Variants in FBXW8 observed in about 807,000 individuals in gnomAD.
FBXW8 encodes F-box and WD repeat domain containing 8.
FBXW8 carries 57 observed loss-of-function variants against 65.3 expected under a neutral mutation model. That is an observed-to-expected ratio of 0.87 (90% CI 0.71 to 1.09). The LOEUF is 1.09. Among genes scored for constraint, FBXW8 ranks in the 50% least tolerant of loss-of-function variants. The probability of loss-of-function intolerance (pLI) is 0.00; values close to 1 mark genes in which losing one functional copy is unlikely to be tolerated. For missense variants in FBXW8, 777 were observed against 814.8 expected (o/e 0.95, Z 0.57); for synonymous variants, 308 against 330.2 (o/e 0.93, Z 0.73).
At chr12:116,959,844 G>C (rs1883872092) in intron 4 of FBXW8, among the ~76,000 whole-genome samples, 1 of 152,200 alleles carries the variant, frequency 6.6e-6, no homozygotes, top group South Asian at 2.1e-4. Flanking sequence ...ACCTTGCCAA[G>C]TGTAGAAAAG....
At chr12:116,931,438 T>C (rs1230711180) in intron 2 of FBXW8, among the ~76,000 whole-genome samples, 1 of 152,224 alleles carries the variant, frequency 6.6e-6, no homozygotes. Context: ...GGAATTTTTA[T>C]AGAGATTGCA....
intron 2 of FBXW8, among the ~76,000 whole-genome samples, chr12:116,940,523 TAA>T (rs111953115): frequency 7.0e-6 from 1 of 143,836 alleles, no homozygotes; most frequent in African/African-American, 2.5e-5. Flanking sequence ...AGTTTGTGTT[TAA>T]AAAAAAAAAC....
chr12:116,952,018 A>G (rs1455298155), intron 4 of FBXW8, among the ~76,000 whole-genome samples: 1 of 152,192 alleles, frequency 6.6e-6, no homozygotes, highest in Non-Finnish European at 1.5e-5. Context: ...ACTTTTCCTG[A>G]CATTCAAAGC....
At chr12:116,944,956 C>T (rs1882833955) in intron 2 of FBXW8, among the ~76,000 whole-genome samples, 1 of 152,214 alleles carries the variant, frequency 6.6e-6, no homozygotes, top group East Asian at 1.9e-4. Context: ...TTTTGGAGGC[C>T]ATCAATCTTC....
intron 8 of FBXW8, among the ~76,000 whole-genome samples, chr12:117,010,697 C>T (rs144750210): frequency 2.2e-4 from 34 of 152,294 alleles, no homozygotes; most frequent in Admixed American, 5.9e-4. Context: ...ATTTGGTGGC[C>T]GCAGTTGGTA....
intron 8 of FBXW8, among the ~76,000 whole-genome samples, chr12:117,018,653 C>G (rs1042918708): frequency 2.3e-4 from 35 of 152,170 alleles, no homozygotes; most frequent in African/African-American, 8.4e-4. Flanking sequence ...AATGTTTTTC[C>G]TTTTTCCCAG....
At chr12:117,026,691 A>G (rs1038883435) in intron 9 of FBXW8, among the ~76,000 whole-genome samples, 8 of 152,214 alleles carry the variant, frequency 5.3e-5, no homozygotes, top group African/African-American at 1.9e-4. Flanking sequence ...CTCGTGCTAC[A>G]GAAACAATGG....
At chr12:117,018,462 C>T (rs1021445544) in intron 8 of FBXW8, among the ~76,000 whole-genome samples, 4 of 152,190 alleles carry the variant, frequency 2.6e-5, no homozygotes, top group East Asian at 1.9e-4. Context: ...GCTGAGCTGA[C>T]GACGGGCTTT....
At chr12:116,932,551 T>G (rs980358598) in intron 2 of FBXW8, among the ~76,000 whole-genome samples, 2 of 152,286 alleles carry the variant, frequency 1.3e-5, no homozygotes, top group South Asian at 2.1e-4. Context: ...TACTCTTTCT[T>G]TTTCTTTGAC....
chr12:116,949,741 C>G (rs376186920), intron 4 of FBXW8, 35 bp downstream of exon 4: 14 of 1,594,166 alleles, frequency 8.8e-6, no homozygotes, highest in African/African-American at 1.3e-5. Context: ...TGCTCTGCAT[C>G]TGAAGGTCTT....
chr12:117,013,980 T>C (rs896951542), intron 8 of FBXW8, among the ~76,000 whole-genome samples: 1 of 152,144 alleles, frequency 6.6e-6, no homozygotes, highest in African/African-American at 2.4e-5. Context: ...TTCACTAAAT[T>C]TGGAGTTTCC....
chr12:116,915,911 G>A (rs7484620), intron 1 of FBXW8, among the ~76,000 whole-genome samples: 122,711 of 151,866 alleles, frequency 0.81, 49,994 homozygotes, highest in Admixed American at 0.88. Flanking sequence ...TCGGCCTCCC[G>A]AAGTGCTGGA....
chr12:116,927,174 A>G (rs117198007), intron 1 of FBXW8, among the ~76,000 whole-genome samples: 2,299 of 152,264 alleles, frequency 0.015, 53 homozygotes, highest in African/African-American at 0.046. Context: ...AGAGGGGTAC[A>G]TACATACATA....
At chr12:116,987,038 AG>A (rs1231700319) in intron 6 of FBXW8, 5 of 152,198 alleles carry the variant, frequency 3.3e-5, no homozygotes, top group Non-Finnish European at 5.9e-5. Flanking sequence ...TCCTTGGAAA[AG>A]GCACCCCTGG....
chr12:117,020,401 C>G (rs1431463562), intron 8 of FBXW8, among the ~76,000 whole-genome samples: 1 of 152,194 alleles, frequency 6.6e-6, no homozygotes, highest in African/African-American at 2.4e-5. Flanking sequence ...GCATGTCTTT[C>G]ATCAGTTCGG....
chr12:116,966,103 G>A (rs942410283), intron 5 of FBXW8, among the ~76,000 whole-genome samples: 1 of 151,996 alleles, frequency 6.6e-6, no homozygotes, highest in Non-Finnish European at 1.5e-5. Context: ...CTTTAGCAAC[G>A]TGATGTTGGT....
chr12:116,986,749 A>G (rs954784656), intron 6 of FBXW8: 1 of 152,304 alleles, frequency 6.6e-6, no homozygotes, highest in African/African-American at 2.4e-5. Context: ...TGCCTTGGCA[A>G]TAAGGTGGCA....
At chr12:116,916,236 G>A (rs1315296424) in intron 1 of FBXW8, among the ~76,000 whole-genome samples, 1 of 152,182 alleles carries the variant, frequency 6.6e-6, no homozygotes, top group East Asian at 1.9e-4. Context: ...AGTGGAATTG[G>A]TGAGTCATAA....
chr12:116,992,897 G>A (rs1360029511), intron 7 of FBXW8, among the ~76,000 whole-genome samples: 1 of 151,872 alleles, frequency 6.6e-6, no homozygotes, highest in African/African-American at 2.4e-5. Context: ...GTGTACAGGT[G>A]TCTTTTTTAT....
Sources: gnomAD v4.1 joint callset for allele counts (sites outside exome capture counted in the v4.1 genomes callset) on GRCh38, gnomAD v4.1.1 for gene constraint, MANE v1.5 for transcripts, NCBI Gene and HGNC (gene_info 2026-07-23, HGNC 2026-07-21) for gene names.